Variants in MAPK6 observed in about 807,000 individuals in gnomAD.
The protein encoded by MAPK6 is mitogen-activated protein kinase 6.
MAPK6 carries 19 observed loss-of-function variants against 59.3 expected under a neutral mutation model. That is an observed-to-expected ratio of 0.32 (90% CI 0.22 to 0.47). MAPK6 has a LOEUF of 0.47. MAPK6 is among the 20% of genes least tolerant of loss of function. The pLI, the probability that MAPK6 is intolerant of heterozygous loss-of-function variation, is 1.00. For synonymous variants in MAPK6, 316 were observed against 290.3 expected (o/e 1.09, Z -0.90); for missense variants, 724 against 847.9 (o/e 0.85, Z 1.81).
In MAPK6 at chr15:51,972,801, A is replaced by AT. The variant is rs1450816733; in HGVS notation, c.-880+895_-880+896insT. Among the ~76,000 whole-genome samples, 172 of 150,966 alleles carry AT rather than the reference A, an allele frequency of 1.1e-3. 2 individuals carry two copies. Among genetic ancestry groups the AT allele is most frequent in the African/African-American group, 4.0e-3 (165 of 41,362 alleles). On this transcript the variant is annotated intron_variant, in intron 1 of 7. Coordinates refer to the MAPK6 transcript ENST00000691380. ...CGCGCCACTGCACTCCAGCCTGGGC[A>AT]CGAGACTCCATCTCAAAAAAATAAT...
chr15:51,974,182 G>A (rs1223883313), intron 1 of MAPK6, among the ~76,000 whole-genome samples: 3 of 151,576 alleles, frequency 2.0e-5, no homozygotes, highest in Admixed American at 2.0e-4. Flanking sequence ...GACTGGTCTT[G>A]AATTCCTGGC....
Position 52,066,026 on chromosome 15 carries a change from C to T in MAPK6, c.*1026C>T, listed in dbSNP as rs1173795903. The T allele has an allele frequency of 6.6e-6, 1 of 152,556 alleles. No individual in the cohort carries two copies. The highest frequency in any genetic ancestry group is 1.5e-5 in the Non-Finnish European group (1 of 68,022). The allele number at this position is 152,556 out of a possible 1,614,324, so 9.5% of individuals were successfully genotyped here. A position where few individuals can be genotyped will look rare whatever the true frequency, so the allele number is the denominator to read the frequency against. ...TGTGTGCATGGAAGTAATTAAGGTA[C>T]ATCATTATTGTAGTTTGAAAGTTGT... On this transcript the variant is annotated 3_prime_UTR_variant, in exon 6 of 6. Coordinates refer to ENST00000261845, the MANE Select transcript of MAPK6 (RefSeq NM_002748.4).
chr15:52,062,688 C>T (rs1436342988), intron 5 of MAPK6, among the ~76,000 whole-genome samples: 1 of 152,122 alleles, frequency 6.6e-6, no homozygotes, highest in African/African-American at 2.4e-5. Context: ...TCACTTGAAC[C>T]TGGGAGGCAG....
chr15:52,037,159 A>C (rs947791817), intron 1 of MAPK6, among the ~76,000 whole-genome samples: 18 of 152,068 alleles, frequency 1.2e-4, no homozygotes, highest in Admixed American at 1.3e-4. Flanking sequence ...AAAAAGTTGA[A>C]CGTGGTGTGT....
intron 2 of MAPK6, among the ~76,000 whole-genome samples, chr15:51,988,207 T>G (rs953209031): frequency 1.3e-5 from 2 of 151,868 alleles, no homozygotes; most frequent in Non-Finnish European, 2.9e-5. Context: ...AAATCCAACA[T>G]CTAAGGAAAC....
chr15:51,979,599 C>G (rs953594164), intron 1 of MAPK6, among the ~76,000 whole-genome samples: 3 of 151,608 alleles, frequency 2.0e-5, no homozygotes, highest in African/African-American at 7.3e-5. Context: ...TTGAGACCAA[C>G]TTGGGAAATA....
chr15:51,981,562 C>T (rs1042915407), intron 1 of MAPK6, among the ~76,000 whole-genome samples: 45 of 152,208 alleles, frequency 3.0e-4, no homozygotes, highest in Non-Finnish European at 5.7e-4. Context: ...GAAATTATTT[C>T]TTAGGACAGA....
chr15:51,998,999 T>G (rs1384203953), intron 2 of MAPK6, among the ~76,000 whole-genome samples: 1 of 126,808 alleles, frequency 7.9e-6, no homozygotes, highest in Non-Finnish European at 1.7e-5. Flanking sequence ...CTTTTTTTTT[T>G]GTTTTTTAAG....
chr15:52,059,970 C>G (rs865815936), intron 4 of MAPK6, among the ~76,000 whole-genome samples: 2 of 152,164 alleles, frequency 1.3e-5, no homozygotes, highest in Non-Finnish European at 2.9e-5. Context: ...AGGAAAAAAG[C>G]AAACAGGATT....
At chr15:52,023,910 C>A (rs931800894) in intron 1 of MAPK6, among the ~76,000 whole-genome samples, 1 of 152,204 alleles carries the variant, frequency 6.6e-6, no homozygotes, top group Admixed American at 6.5e-5. Context: ...CCGCGCCCAG[C>A]CAATAGAGTT....
intron 5 of MAPK6, among the ~76,000 whole-genome samples, chr15:52,063,482 T>C (rs2032286371): frequency 6.6e-6 from 1 of 152,080 alleles, no homozygotes; most frequent in Non-Finnish European, 1.5e-5. Flanking sequence ...AGATTTTTGC[T>C]ATTCATGGTG....
At chr15:52,062,957 TAAG>T (rs992046987) in intron 5 of MAPK6, among the ~76,000 whole-genome samples, 33 of 152,208 alleles carry the variant, frequency 2.2e-4, no homozygotes, top group Non-Finnish European at 4.3e-4. Context: ...CTTAAGATTT[TAAG>T]AAGAAATTTT....
exon 3 of MAPK6, chr15:52,004,309 G>A (rs1270023136): frequency 1.3e-5 from 2 of 152,176 alleles, no homozygotes; most frequent in East Asian, 1.9e-4. Flanking sequence ...GTATCCATAA[G>A]CCTTCATCAG....
intron 1 of MAPK6, chr15:52,027,531 A>T (rs2030847952): frequency 6.6e-6 from 1 of 150,490 alleles, no homozygotes; most frequent in Admixed American, 6.6e-5. Flanking sequence ...CTGTAATTTC[A>T]TGCCTTGCTT....
chr15:52,059,526 G>C (rs1450169465), intron 4 of MAPK6, among the ~76,000 whole-genome samples: 1 of 152,206 alleles, frequency 6.6e-6, no homozygotes, highest in African/African-American at 2.4e-5. Context: ...GTGTGACTCT[G>C]CTCAGCCAGG....
At position 52,064,151 on chromosome 15, in the gene MAPK6, G is replaced by A; in HGVS notation, c.1317G>A (p.Glu439=). 1 of 1,613,280 alleles carries A rather than the reference G, an allele frequency of 6.2e-7. No homozygotes were observed. Among genetic ancestry groups the A allele is most frequent in the Non-Finnish European group, 8.5e-7 (1 of 1,179,686 alleles). ...ATGAAAACAAATATTGTGATCTGGA[G>A]TGTAGCCATACTTGTAACTACAAAA... ...DHHENKYCDL[E]CSHTCNYKTR... Residue 439 remains glutamate, a synonymous_variant, in exon 6 of 6, where the codon GAG becomes GAA. Transcript: ENST00000261845.
intron 2 of MAPK6, among the ~76,000 whole-genome samples, chr15:51,987,070 G>A (rs1210785339): frequency 2.6e-5 from 4 of 152,128 alleles, no homozygotes; most frequent in African/African-American, 9.7e-5. Context: ...ATTACCATAT[G>A]CACAGAAAAA....
intron 1 of MAPK6, among the ~76,000 whole-genome samples, chr15:51,973,801 C>G (rs180705789): frequency 6.6e-6 from 1 of 151,748 alleles, no homozygotes; most frequent in African/African-American, 2.4e-5. Context: ...TACAGGCATG[C>G]GCCACCATAT....
At chr15:51,987,756 A>T (rs1349785325) in intron 2 of MAPK6, among the ~76,000 whole-genome samples, 1 of 147,542 alleles carries the variant, frequency 6.8e-6, no homozygotes, top group East Asian at 2.0e-4. Flanking sequence ...ACAATGGCTC[A>T]TAGTACTTTT....
Sources: gnomAD v4.1 joint callset for allele counts (sites outside exome capture counted in the v4.1 genomes callset) on GRCh38, gnomAD v4.1.1 for gene constraint, MANE v1.5 for transcripts, NCBI Gene and HGNC (gene_info 2026-07-23, HGNC 2026-07-21) for gene names.